The following AUTS2 variants were observed in gnomAD, a reference collection of about 807,000 sequenced individuals.
The protein encoded by AUTS2 is activator of transcription and developmental regulator AUTS2.
Under a neutral mutation model 112.4 loss-of-function variants are expected in AUTS2, and 17 were observed. The observed-to-expected ratio is 0.15, with a 90% confidence interval of 0.10 to 0.23. AUTS2 has a LOEUF of 0.23. Among genes scored for constraint, AUTS2 ranks in the 10% least tolerant of loss-of-function variants. The pLI, the probability that AUTS2 is intolerant of heterozygous loss-of-function variation, is 1.00. For synonymous variants in AUTS2, 751 were observed against 702.7 expected (o/e 1.07, Z -1.09); for missense variants, 1,510 against 1,701.6 (o/e 0.89, Z 1.98).
chr7:69,603,000 A>G (rs1792516391), intron 1 of AUTS2, among the ~76,000 whole-genome samples: 1 of 152,228 alleles, frequency 6.6e-6, no homozygotes, highest in South Asian at 2.1e-4. Flanking sequence ...CAACTAAACT[A>G]TGAGCTTGGA....
chr7:70,585,332 G>A (rs1802631078), intron 5 of AUTS2, among the ~76,000 whole-genome samples: 2 of 152,112 alleles, frequency 1.3e-5, no homozygotes, highest in Admixed American at 1.3e-4. Context: ...GTTTTCTTGC[G>A]CTCAGAGCAC....
chr7:69,854,409 A>G (rs1372279979), intron 1 of AUTS2, among the ~76,000 whole-genome samples: 2 of 152,128 alleles, frequency 1.3e-5, no homozygotes, highest in Non-Finnish European at 2.9e-5. Flanking sequence ...TACTTCATCA[A>G]CCTGAATTCT....
chr7:69,628,711 G>C (rs566468156), intron 1 of AUTS2, among the ~76,000 whole-genome samples: 1 of 152,220 alleles, frequency 6.6e-6, no homozygotes, highest in East Asian at 1.9e-4. Context: ...TAAACAAGCA[G>C]ATCTCATGAG....
Position 69,744,709 on chromosome 7 carries a change from G to A in AUTS2, c.309+144747G>A, listed in dbSNP as rs942116458. ...AAAATTAGCCGATGTGGTGGCATATGCCTGTAGTCCCTGTTATCTGGGGAT... is the reference window on the plus strand; with the variant it reads ...AAAATTAGCCGATGTGGTGGCATATACCTGTAGTCCCTGTTATCTGGGGAT... On this transcript the variant is annotated intron_variant, in intron 1 of 18. Coordinates refer to ENST00000342771, the MANE Select transcript of AUTS2 (RefSeq NM_015570.4). Among the ~76,000 whole-genome samples, 4 of 151,960 alleles carry A rather than the reference G, an allele frequency of 2.6e-5. No individual in the cohort carries two copies. In the East Asian group the frequency reaches 5.8e-4, roughly 22 times the overall value.
chr7:70,388,044 C>A (rs1394095388), intron 4 of AUTS2, among the ~76,000 whole-genome samples: 1 of 152,208 alleles, frequency 6.6e-6, no homozygotes, highest in Non-Finnish European at 1.5e-5. Context: ...AAGCACTGAT[C>A]ATTCTTTCAC....
At chr7:70,019,313 A>G (rs1314531956) in intron 2 of AUTS2, among the ~76,000 whole-genome samples, 1 of 152,314 alleles carries the variant, frequency 6.6e-6, no homozygotes, top group East Asian at 1.9e-4. Context: ...ACTAATGGGT[A>G]CTAGGCTTAA....
chr7:69,657,552 T>A (rs142634448), intron 1 of AUTS2, among the ~76,000 whole-genome samples: 188 of 152,170 alleles, frequency 1.2e-3, no homozygotes, highest in Non-Finnish European at 2.5e-3. Flanking sequence ...TTGCCGGAGG[T>A]CCTGGCCTGG....
intron 2 of AUTS2, among the ~76,000 whole-genome samples, chr7:70,099,445 G>T (rs571469738): frequency 6.6e-6 from 1 of 151,390 alleles, no homozygotes; most frequent in Admixed American, 6.6e-5. Context: ...TCTGAATGGT[G>T]ACTTTGGCTG....
intron 4 of AUTS2, among the ~76,000 whole-genome samples, chr7:70,219,822 G>A (rs938639029): frequency 2.6e-5 from 4 of 151,886 alleles, no homozygotes; most frequent in African/African-American, 4.8e-5. Context: ...CACCCGCCTC[G>A]GCCTCCCAAA....
chr7:70,059,906 T>C (rs114586016), intron 2 of AUTS2, among the ~76,000 whole-genome samples: 44 of 152,350 alleles, frequency 2.9e-4, no homozygotes, highest in African/African-American at 9.4e-4. Flanking sequence ...TAGTTCCAAA[T>C]AATTGACTTA....
At chr7:70,115,567 G>A (rs981658406) in intron 2 of AUTS2, among the ~76,000 whole-genome samples, 9 of 152,212 alleles carry the variant, frequency 5.9e-5, no homozygotes, top group African/African-American at 1.9e-4. Flanking sequence ...AACATATTAT[G>A]TGGAGAGTAC....
At chr7:70,288,955 T>G (rs959626160) in intron 4 of AUTS2, among the ~76,000 whole-genome samples, 1 of 152,196 alleles carries the variant, frequency 6.6e-6, no homozygotes, top group Non-Finnish European at 1.5e-5. Flanking sequence ...GCATACCTTT[T>G]AATCTACCCA....
chr7:70,748,750 C>A (rs573789782), intron 6 of AUTS2, among the ~76,000 whole-genome samples: 1 of 152,316 alleles, frequency 6.6e-6, no homozygotes, highest in South Asian at 2.1e-4. Flanking sequence ...GGTAACACCT[C>A]ATGGTTCTTT....
chr7:69,702,856 C>T (rs1285103913), intron 1 of AUTS2, among the ~76,000 whole-genome samples: 2 of 152,150 alleles, frequency 1.3e-5, no homozygotes, highest in Non-Finnish European at 2.9e-5. Context: ...TTTGGGTTCT[C>T]GGCTTATGTG....
intron 4 of AUTS2, among the ~76,000 whole-genome samples, chr7:70,269,402 T>TA (rs1562836386): frequency 2.0e-5 from 3 of 151,960 alleles, no homozygotes; most frequent in East Asian, 3.9e-4. Context: ...TTCCAAGAAC[T>TA]GGGGGATGGG....
intron 6 of AUTS2, among the ~76,000 whole-genome samples, chr7:70,762,120 G>A (rs570740251): frequency 1.3e-5 from 2 of 152,254 alleles, no homozygotes; most frequent in African/African-American, 2.4e-5. Flanking sequence ...AAAAACATCC[G>A]TGTGATGTTA....
chr7:69,910,742 C>G (rs1795319431), intron 2 of AUTS2, among the ~76,000 whole-genome samples: 1 of 152,212 alleles, frequency 6.6e-6, no homozygotes, highest in Non-Finnish European at 1.5e-5. Flanking sequence ...ATCCTCCTGC[C>G]TCAGCCTACC....
chr7:70,589,815 G>T (rs1179591694), intron 5 of AUTS2, among the ~76,000 whole-genome samples: 1 of 152,190 alleles, frequency 6.6e-6, no homozygotes, highest in African/African-American at 2.4e-5. Context: ...GCTCCAGGGG[G>T]ACTCTGGGGG....
intron 1 of AUTS2, among the ~76,000 whole-genome samples, chr7:69,622,962 A>G (rs1254005464): frequency 1.3e-5 from 2 of 152,132 alleles, no homozygotes; most frequent in Non-Finnish European, 2.9e-5. Flanking sequence ...ATATATATAT[A>G]TTTGTAGAGA....
Sources: allele counts gnomAD v4.1 joint callset (sites outside exome capture counted in the v4.1 genomes callset), GRCh38; gene constraint gnomAD v4.1.1; transcripts MANE v1.5; gene names NCBI Gene and HGNC (gene_info 2026-07-23, HGNC 2026-07-21).